The following ADAM7 variants were observed in gnomAD, a reference collection of about 807,000 sequenced individuals.
ADAM7 encodes the protein ADAM metallopeptidase domain 7.
A neutral mutation model predicts 102.9 loss-of-function variants in ADAM7; 97 were observed. That is an observed-to-expected ratio of 0.94 (90% CI 0.80 to 1.12). ADAM7 has a LOEUF of 1.12. Ranked by LOEUF, ADAM7 falls within the 50% of genes most tolerant of loss-of-function variation. ADAM7 has a pLI of 0.00. For synonymous variants in ADAM7, 334 were observed against 304.4 expected (o/e 1.10, Z -1.01); for missense variants, 991 against 908.7 (o/e 1.09, Z -1.16).
In ADAM7 at chr8:24,468,768, G is replaced by C. The variant is rs371799807; in HGVS notation, c.581G>C (p.Gly194Ala). Residue 194 changes from glycine (G) to alanine (A), a missense_variant and splice_region_variant, in exon 7 of 22, where the codon GGC becomes GCC. By Grantham distance (60) the Gly-to-Ala change is moderately conservative. Coordinates refer to ENST00000175238, the MANE Select transcript of ADAM7 (RefSeq NM_003817.4). The part of the protein sequence containing the change: ...NESEEDSKIK[G>A]IHDEKYVELF... ...ACTGAATTTTCCCTAACTTTACAGG[G>C]CATCCATGATGAAAAGTATGTTGAA... 29 of 1,612,732 alleles carry C rather than the reference G, an allele frequency of 1.8e-5. No homozygotes were observed. The highest frequency in any genetic ancestry group is 2.3e-5 in the Non-Finnish European group (27 of 1,179,494).
chr8:24,508,865 G>A lies in ADAM7; in HGVS notation c.*319G>A. On this transcript the variant is annotated 3_prime_UTR_variant, in exon 22 of 22. Transcript: ENST00000175238. ...AAAATGTTACTCTGCTTTCTTTTAA[G>A]AATCCAAACTTTAAGGATGATAACT... 4 of 1,174,842 alleles carry A rather than the reference G, an allele frequency of 3.4e-6. No homozygotes were observed. The highest frequency in any genetic ancestry group is 4.2e-6 in the Non-Finnish European group (4 of 952,120). The allele number at this position is 1,174,842 out of a possible 1,614,324, so 72.8% of individuals were successfully genotyped here. A position where few individuals can be genotyped will look rare whatever the true frequency, so the allele number is the denominator to read the frequency against.
intron 3 of ADAM7, among the ~76,000 whole-genome samples, chr8:24,460,452 T>G (rs1819199415): frequency 6.6e-6 from 1 of 152,034 alleles, no homozygotes; most frequent in South Asian, 2.1e-4. Context: ...TATGTTTATC[T>G]CCTCTGTTAC....
chr8:24,456,649 TTG>T (rs931433337), intron 3 of ADAM7, among the ~76,000 whole-genome samples: 6 of 151,642 alleles, frequency 4.0e-5, no homozygotes, highest in African/African-American at 1.5e-4. Flanking sequence ...TTTTTTTTTT[TTG>T]CCGTAGATTA....
chr8:24,471,264 G>A lies in ADAM7; in HGVS notation c.633+2444G>A, dbSNP rs1277040901. ...AGTAAAAATGTTACAGTACGCTAAG[G>A]TTAATTTATTATTCAATAAATAAAA... On this transcript the variant is annotated intron_variant, in intron 7 of 21. Transcript: ENST00000175238. Among the ~76,000 whole-genome samples the A allele has an allele frequency of 4.6e-5, 7 of 152,098 alleles. No individual in the cohort carries two copies. The South Asian group carries it at 1.5e-3, about 32-fold the overall frequency.
chr8:24,450,489 T>C (rs1465705857), intron 3 of ADAM7, among the ~76,000 whole-genome samples: 2 of 151,572 alleles, frequency 1.3e-5, no homozygotes, highest in African/African-American at 2.4e-5. Context: ...GTGATTTTTG[T>C]ACATTGATTT....
At chr8:24,451,228 C>G (rs950666986) in intron 3 of ADAM7, among the ~76,000 whole-genome samples, 5 of 151,888 alleles carry the variant, frequency 3.3e-5, no homozygotes, top group Admixed American at 1.3e-4. Context: ...AGGAATGGTA[C>G]CAGTTCCTCC....
chr8:24,442,430 T>C, intron 1 of ADAM7, 43 bp from the exon 2 acceptor site: 3 of 1,351,870 alleles, frequency 2.2e-6, no homozygotes, highest in South Asian at 1.2e-5. Context: ...TGTAGACGAA[T>C]GTTAATGTCA....
chr8:24,503,305 C>A (rs571805142), intron 20 of ADAM7, among the ~76,000 whole-genome samples: 1 of 152,048 alleles, frequency 6.6e-6, no homozygotes, highest in Non-Finnish European at 1.5e-5. Flanking sequence ...GTAGCAACAG[C>A]GATAATTTCC....
intron 5 of ADAM7, among the ~76,000 whole-genome samples, 153 bp from the exon 6 acceptor site, chr8:24,466,646 A>G (rs571459195): frequency 6.6e-6 from 1 of 152,324 alleles, no homozygotes; most frequent in African/African-American, 2.4e-5. Context: ...CAAAGGCCTC[A>G]TATCATCACA....
chr8:24,506,735 A>T (rs1189364675), intron 20 of ADAM7, among the ~76,000 whole-genome samples: 2 of 145,712 alleles, frequency 1.4e-5, no homozygotes, highest in Non-Finnish European at 1.5e-5. Flanking sequence ...ACACACATGC[A>T]TTAGAGACTG....
At chr8:24,455,028 T>C (rs187361183) in intron 3 of ADAM7, among the ~76,000 whole-genome samples, 1 of 152,260 alleles carries the variant, frequency 6.6e-6, no homozygotes, top group Admixed American at 6.5e-5. Flanking sequence ...ATTTAGAATC[T>C]ACTATACAAC....
intron 3 of ADAM7, among the ~76,000 whole-genome samples, chr8:24,461,375 G>T (rs944841624): frequency 1.3e-5 from 2 of 152,004 alleles, no homozygotes; most frequent in African/African-American, 2.4e-5. Context: ...GAATGTTAAT[G>T]GTTGTACAAA....
chr8:24,500,152 G>T, intron 17 of ADAM7, 26 bp from the exon 18 acceptor site: 2 of 1,589,544 alleles, frequency 1.3e-6, no homozygotes, highest in Non-Finnish European at 1.7e-6. Flanking sequence ...AGTCATTTGA[G>T]AATATATCAT....
intron 3 of ADAM7, among the ~76,000 whole-genome samples, chr8:24,463,355 G>C (rs905429588): frequency 6.6e-6 from 1 of 152,158 alleles, no homozygotes; most frequent in African/African-American, 2.4e-5. Context: ...CATCACTATA[G>C]ATATAGAGAC....
chr8:24,449,565 G>A (rs942292828), intron 3 of ADAM7, among the ~76,000 whole-genome samples: 42 of 152,062 alleles, frequency 2.8e-4, no homozygotes, highest in African/African-American at 9.4e-4. Flanking sequence ...TGTCAGATAT[G>A]CAGGTTGCGA....
intron 3 of ADAM7, among the ~76,000 whole-genome samples, chr8:24,457,235 T>G (rs1046345622): frequency 1.3e-5 from 2 of 152,232 alleles, no homozygotes; most frequent in South Asian, 4.1e-4. Context: ...TTTTTAATCT[T>G]TAAATATTTA....
chr8:24,449,661 C>T (rs1440978935), intron 3 of ADAM7, among the ~76,000 whole-genome samples: 1 of 152,078 alleles, frequency 6.6e-6, no homozygotes, highest in Non-Finnish European at 1.5e-5. Flanking sequence ...TAATTAGATC[C>T]CATTTGTCAA....
At chr8:24,465,632 T>A in intron 4 of ADAM7, 67 bp from the exon 5 acceptor site, 3 of 922,656 alleles carry the variant, frequency 3.3e-6, no homozygotes, top group Non-Finnish European at 4.7e-6. Context: ...CAGAAAATAT[T>A]TAGATATTAG....
chr8:24,463,108 T>G (rs1819304081), intron 3 of ADAM7, among the ~76,000 whole-genome samples: 1 of 152,152 alleles, frequency 6.6e-6, no homozygotes, highest in Non-Finnish European at 1.5e-5. Flanking sequence ...TTTTATTATG[T>G]AGCAAACATG....
Sources: allele counts gnomAD v4.1 joint callset (sites outside exome capture counted in the v4.1 genomes callset), GRCh38; gene constraint gnomAD v4.1.1; transcripts MANE v1.5; gene names NCBI Gene and HGNC (gene_info 2026-07-23, HGNC 2026-07-21).